The following ST8SIA5 variants were observed in gnomAD, a reference collection of about 807,000 sequenced individuals.
The protein encoded by ST8SIA5 is alpha-2,8-sialyltransferase 8E.
Under a neutral mutation model 40.2 loss-of-function variants are expected in ST8SIA5, and 24 were observed. The ratio of observed to expected loss-of-function variants is 0.60; its 90% CI spans 0.43 to 0.84. The LOEUF (loss-of-function observed/expected upper bound fraction) is 0.84. ST8SIA5 is among the 40% of genes least tolerant of loss of function. ST8SIA5 has a pLI of 0.00. For missense variants in ST8SIA5, 465 were observed against 498.5 expected (o/e 0.93, Z 0.64); for synonymous variants, 198 against 201.8 (o/e 0.98, Z 0.16).
chr18:46,710,529 CCTTT>C (rs889069638), intron 1 of ST8SIA5, among the ~76,000 whole-genome samples: 8 of 145,342 alleles, frequency 5.5e-5, no homozygotes, highest in Non-Finnish European at 9.0e-5. Flanking sequence ...TTCCTTTCTT[CCTTT>C]CTTTCTTTCT....
chr18:46,729,669 C>G (rs3893061), intron 1 of ST8SIA5, among the ~76,000 whole-genome samples: 113,851 of 152,168 alleles, frequency 0.75, 42,790 homozygotes, highest in East Asian at 1. Context: ...GACTTGAAGG[C>G]CCACAGGGGC....
chr18:46,726,187 C>G (rs1467714734), intron 1 of ST8SIA5, among the ~76,000 whole-genome samples: 1 of 149,024 alleles, frequency 6.7e-6, no homozygotes, highest in Non-Finnish European at 1.5e-5. Context: ...GAGTGAGACT[C>G]TGTCTCAAAA....
At position 46,728,368 on chromosome 18, in the gene ST8SIA5, G is replaced by A. The variant is rs529127686; in HGVS notation, c.132-23704C>T. Among the ~76,000 whole-genome samples the A allele has an allele frequency of 1.8e-4, 28 of 152,326 alleles. 1 individual carries two copies. The South Asian group carries it at 3.5e-3, about 19-fold the overall frequency. ...AGGAAGGGGAGGAAGTGGCACATGC[G>A]TAGCTATCCATTCACAGTGTGTGGG... On this transcript the variant is annotated intron_variant, in intron 1 of 6. Coordinates refer to ENST00000315087, the MANE Select transcript of ST8SIA5 (RefSeq NM_013305.6).
intron 1 of ST8SIA5, 66 bp downstream of exon 1, chr18:46,756,312 G>A (rs2040245363): frequency 5.0e-6 from 8 of 1,593,222 alleles, no homozygotes; most frequent in Middle Eastern, 3.4e-4. Context: ...AGCTGCCGCG[G>A]CCACTGCCAC....
At chr18:46,725,986 T>TATATATATATATATATATATCCTGG (rs2039920678) in intron 1 of ST8SIA5, among the ~76,000 whole-genome samples, 4 of 52,996 alleles carry the variant, frequency 7.5e-5, no homozygotes, top group African/African-American at 2.0e-4. Context: ...TATATATATA[T>TATATATATATATATATATATCCTGG]ATATATATAT....
intron 1 of ST8SIA5, among the ~76,000 whole-genome samples, chr18:46,708,874 T>G (rs2039694784): frequency 6.6e-6 from 1 of 152,200 alleles, no homozygotes. Context: ...ATTTCCATAT[T>G]TTCGTGTCTT....
rs12968987 is a variant in ST8SIA5, at chr18:46,710,427, C to T, written c.132-5763G>A. On this transcript the variant is annotated intron_variant, in intron 1 of 6. Transcript: ENST00000315087. ...TCTTTCTTTCTTTCTTTTTCTTTCT[C>T]TCTCTTTCTTTTTCTTTTTCTTTCT... 4.7e-4 allele frequency among the ~76,000 whole-genome samples: 54 copies of T among 114,032 alleles called. 1 individual carries two copies. The highest frequency in any genetic ancestry group is 7.7e-4 in the Non-Finnish European group (40 of 52,056). 74.8% of individuals were successfully genotyped at this position (114,032 alleles called of 152,430 possible). A position where few individuals can be genotyped will look rare whatever the true frequency, so the allele number is the denominator to read the frequency against.
chr18:46,708,242 T>C (rs2039688742), intron 1 of ST8SIA5, among the ~76,000 whole-genome samples: 1 of 152,284 alleles, frequency 6.6e-6, no homozygotes, highest in Admixed American at 6.5e-5. Flanking sequence ...ATGGCAGGCC[T>C]GAGTCAGGGA....
intron 1 of ST8SIA5, among the ~76,000 whole-genome samples, chr18:46,735,346 T>C (rs1189532997): frequency 6.6e-6 from 1 of 152,236 alleles, no homozygotes; most frequent in African/African-American, 2.4e-5. Flanking sequence ...TATATACATC[T>C]ATCCTATTAG....
At position 46,756,802 on chromosome 18, in the gene ST8SIA5, G is replaced by T; in HGVS notation, c.-294C>A. 2.9e-6 allele frequency: 1 copy of T among 346,438 alleles called. No individual in the cohort carries two copies. The highest frequency in any genetic ancestry group is 5.2e-6 in the Non-Finnish European group (1 of 192,514). The allele number at this position is 346,438 out of a possible 1,614,324, so 21.5% of individuals were successfully genotyped here. A position where few individuals can be genotyped will look rare whatever the true frequency, so the allele number is the denominator to read the frequency against. On this transcript the variant is annotated 5_prime_UTR_variant, in exon 1 of 7. Transcript: ENST00000315087. ...CTCCAGGCGCCGGTGCCGGGTAGCC[G>T]CCGATTTCCCCGCGGAGGGGAGACG...
chr18:46,723,431 A>T (rs561584495), intron 1 of ST8SIA5, among the ~76,000 whole-genome samples: 11 of 152,274 alleles, frequency 7.2e-5, no homozygotes, highest in Non-Finnish European at 1.2e-4. Context: ...ACTTGCCTGT[A>T]GTCCCAGCTA....
rs1236870918 is a variant in ST8SIA5, at chr18:46,680,527, T to C, written c.663-17A>G. On this transcript the variant is annotated splice_polypyrimidine_tract_variant and intron_variant, in intron 6 of 6. Coordinates refer to ENST00000315087, the MANE Select transcript of ST8SIA5 (RefSeq NM_013305.6). ...TTGTGGAACCTACACAGGGCGCGAGTGAGAGGTGAGCACCCACTCCTCCGT... is the reference window on the plus strand; with the variant it reads ...TTGTGGAACCTACACAGGGCGCGAGCGAGAGGTGAGCACCCACTCCTCCGT... 1.3e-6 allele frequency: 2 copies of C among 1,550,294 alleles called. No homozygotes were observed. The highest frequency in any genetic ancestry group is 1.7e-4 in the Middle Eastern group (1 of 5,896).
At chr18:46,717,837 A>T (rs191873161) in intron 1 of ST8SIA5, among the ~76,000 whole-genome samples, 1 of 146,824 alleles carries the variant, frequency 6.8e-6, no homozygotes, top group African/African-American at 2.5e-5. Context: ...CGCTTAATTC[A>T]TTTTTTTTTT....
rs73953877 is a variant in ST8SIA5 at position 46,693,002 on chromosome 18, C to T, written c.225-747G>A. Reference sequence around the variant, plus strand: ...CCTGCCGACCCTGCCTTATCCATTCCCTCCCCTGAAAACCTCAATAGTCTC... The same window carrying T: ...CCTGCCGACCCTGCCTTATCCATTCTCTCCCCTGAAAACCTCAATAGTCTC... On this transcript the variant is annotated intron_variant, in intron 2 of 6. Transcript: ENST00000315087. Among the ~76,000 whole-genome samples, 587 of 152,044 alleles carry T rather than the reference C, an allele frequency of 3.9e-3. 1 individual carries two copies. Among genetic ancestry groups the T allele is most frequent in the African/African-American group, 0.013 (542 of 41,478 alleles).
chr18:46,692,568 A>AT (rs1281362419), intron 2 of ST8SIA5, among the ~76,000 whole-genome samples: 3 of 151,860 alleles, frequency 2.0e-5, no homozygotes, highest in African/African-American at 7.2e-5. Context: ...TGCCTAGCTA[A>AT]TTTTTGTACT....
chr18:46,679,871 G>A lies in ST8SIA5; in HGVS notation c.*171C>T, dbSNP rs1250902363. On this transcript the variant is annotated 3_prime_UTR_variant, in exon 7 of 7. Coordinates refer to ENST00000315087, the MANE Select transcript of ST8SIA5 (RefSeq NM_013305.6). ...CTCAGCACAGAGCTGACTCTGCCCC[G>A]GTTCCTAACCCTGCCTCCCTACCCC... 5.7e-6 allele frequency: 4 copies of A among 700,732 alleles called. No individual in the cohort carries two copies. The highest frequency in any genetic ancestry group is 1.9e-5 in the South Asian group (1 of 52,718). The allele number at this position is 700,732 out of a possible 1,614,324, so 43.4% of individuals were successfully genotyped here. A position where few individuals can be genotyped will look rare whatever the true frequency, so the allele number is the denominator to read the frequency against.
At chr18:46,744,269 C>CA (rs1490805415) in intron 1 of ST8SIA5, among the ~76,000 whole-genome samples, 1 of 152,130 alleles carries the variant, frequency 6.6e-6, no homozygotes, top group Non-Finnish European at 1.5e-5. Context: ...TATAGACTGG[C>CA]AATTTGGATA....
chr18:46,726,620 G>A (rs920992234), intron 1 of ST8SIA5, among the ~76,000 whole-genome samples: 9 of 137,128 alleles, frequency 6.6e-5, no homozygotes, highest in Admixed American at 1.5e-4. Context: ...AAAAATACAC[G>A]TTAAAATAAT....
intron 1 of ST8SIA5, among the ~76,000 whole-genome samples, chr18:46,728,953 G>A (rs1185933705): frequency 2.0e-5 from 3 of 152,144 alleles, no homozygotes; most frequent in Non-Finnish European, 4.4e-5. Flanking sequence ...CAAAGGACAG[G>A]ATCAGACCCT....
Sources: gnomAD v4.1 joint callset for allele counts (sites outside exome capture counted in the v4.1 genomes callset) on GRCh38, gnomAD v4.1.1 for gene constraint, MANE v1.5 for transcripts, NCBI Gene and HGNC (gene_info 2026-07-23, HGNC 2026-07-21) for gene names.